DDRGK1: variants seen among roughly 807,000 people sequenced by gnomAD.
DDRGK1 encodes the protein DDRGK domain containing 1, also known as DDRGK domain-containing protein 1.
In DDRGK1, 38 loss-of-function variants were observed where a neutral mutation model predicts 45.8. The ratio of observed to expected loss-of-function variants is 0.83; its 90% CI spans 0.64 to 1.09. The LOEUF (loss-of-function observed/expected upper bound fraction) is 1.09, where lower values mean the gene tolerates loss of function less well. DDRGK1 is among the 50% of genes least tolerant of loss of function. The pLI is 0.00. For synonymous variants in DDRGK1, 171 were observed against 168.7 expected, an observed-to-expected ratio of 1.01 and a Z score of -0.11; for missense variants, 403 against 419.9, an observed-to-expected ratio of 0.96 and a Z score of 0.35.
rs534614389 is a variant in DDRGK1, at chr20:3,200,353, C to T, written c.397G>A (p.Ala133Thr). ...TCCCTCCGGCTTGCCTCACGCTGGG[C>T]CTTTCGCGCTTGTTTCTCCTCCAGC... ...RKLEEKQARK[A>T]QREAEEAERE... Residue 133 changes from alanine to threonine, a missense_variant, in exon 3 of 9, where the codon GCC becomes ACC. By Grantham distance (58) the Ala-to-Thr change is moderately conservative. Transcript: ENST00000354488. The T allele has an allele frequency of 3.8e-6, 6 of 1,566,174 alleles. No homozygotes were observed. Among genetic ancestry groups the T allele is most frequent in the Non-Finnish European group, 5.2e-6 (6 of 1,154,942 alleles).
chr20:3,196,422 A>G (rs1224841394), intron 4 of DDRGK1, among the ~76,000 whole-genome samples: 2 of 152,146 alleles, frequency 1.3e-5, no homozygotes, highest in Non-Finnish European at 2.9e-5. Context: ...TCACGCCTGT[A>G]ATCCCAGCAC....
chr20:3,196,958 C>T (rs2067013664), intron 4 of DDRGK1, among the ~76,000 whole-genome samples: 2 of 151,992 alleles, frequency 1.3e-5, no homozygotes, highest in African/African-American at 4.8e-5. Context: ...CACGGTGGCT[C>T]ACGCTGGTAA....
chr20:3,199,850 TG>T, intron 4 of DDRGK1, 150 bp downstream of exon 4: 1 of 636,448 alleles, frequency 1.6e-6, no homozygotes. Flanking sequence ...TTCTAGGCTG[TG>T]GTGGAGCCTA....
chr20:3,197,013 A>C (rs1000921581), intron 4 of DDRGK1, among the ~76,000 whole-genome samples: 3 of 152,040 alleles, frequency 2.0e-5, no homozygotes, highest in Admixed American at 6.6e-5. Context: ...ACCTGAGGTC[A>C]GGAGTTCAAG....
chr20:3,202,948 T>A (rs983916124), intron 2 of DDRGK1, among the ~76,000 whole-genome samples: 9 of 152,070 alleles, frequency 5.9e-5, no homozygotes, highest in African/African-American at 2.2e-4. Flanking sequence ...GGTGCGAGGA[T>A]AGAAGGGGTG....
intron 7 of DDRGK1, 31 bp from the exon 8 acceptor site, chr20:3,191,269 T>A (rs748073184): frequency 1.9e-6 from 3 of 1,611,852 alleles, no homozygotes; most frequent in Non-Finnish European, 2.5e-6. Context: ...AGAATAGAGA[T>A]AGGCACCAAT....
rs1350565862 is a variant in DDRGK1, at chr20:3,204,547, C to T, written c.81G>A (p.Arg27=). Residue 27 remains arginine, a synonymous_variant, in exon 1 of 9, where the codon CGG becomes CGA. Transcript: ENST00000354488. ...FILFLTRSRG[R]AASAGQEPLH... The stretch of plus-strand genomic sequence containing the variant: ...AGCGGCATCTCCTACCTGATGCCGC[C>T]CGGCCCCGGCTGCGAGTCAGGAAGA... 1.9e-6 allele frequency: 3 copies of T among 1,566,864 alleles called. No homozygotes were observed. The highest frequency in any genetic ancestry group is 3.7e-5 in the Admixed American group (2 of 53,804).
chr20:3,203,016 A>G (rs2067047078), intron 2 of DDRGK1, among the ~76,000 whole-genome samples, 197 bp downstream of exon 2: 1 of 151,926 alleles, frequency 6.6e-6, no homozygotes, highest in Non-Finnish European at 1.5e-5. Context: ...GGACACTGAG[A>G]GCCAAGATGA....
intron 5 of DDRGK1, 72 bp from the exon 6 acceptor site, chr20:3,194,940 T>G (rs998888478): frequency 5.1e-6 from 8 of 1,579,692 alleles, no homozygotes; most frequent in Non-Finnish European, 6.9e-6. Context: ...TTCACCCAAG[T>G]ACCACCTGCT....
chr20:3,194,767 G>T, intron 6 of DDRGK1, 63 bp downstream of exon 6: 1 of 1,605,220 alleles, frequency 6.2e-7, no homozygotes. Flanking sequence ...CCCGCTGGAG[G>T]CATCCAACCT....
chr20:3,197,029 C>G (rs112549258), intron 4 of DDRGK1, among the ~76,000 whole-genome samples: 1 of 151,846 alleles, frequency 6.6e-6, no homozygotes, highest in Non-Finnish European at 1.5e-5. Context: ...TCAAGACCAT[C>G]CTGGCCAACA....
chr20:3,191,694 G>C, intron 7 of DDRGK1, 71 bp downstream of exon 7: 1 of 1,504,104 alleles, frequency 6.6e-7, no homozygotes, highest in Non-Finnish European at 9.1e-7. Flanking sequence ...TCTATCTTTA[G>C]GGCAGGTCCT....
At chr20:3,196,629 C>G (rs1248221984) in intron 4 of DDRGK1, among the ~76,000 whole-genome samples, 1 of 151,926 alleles carries the variant, frequency 6.6e-6, no homozygotes, top group East Asian at 1.9e-4. Context: ...TGCAGTGAGC[C>G]GAGACTGTGC....
At chr20:3,194,971 G>A (rs2067003911) in intron 5 of DDRGK1, 103 bp from the exon 6 acceptor site, 2 of 1,493,732 alleles carry the variant, frequency 1.3e-6, no homozygotes, top group Non-Finnish European at 1.8e-6. Flanking sequence ...CCACCTGCCT[G>A]CAGCCTGCCT....
rs575057181 is a variant in DDRGK1 at position 3,199,464 on chromosome 20, C to CT, written c.510+536dup. ...AGTCAGAGGTCACAGGTCTTCCCAG[C>CT]TAGGGCAGCCCTGGCTCTAACCCTA... On this transcript the variant is annotated intron_variant, in intron 4 of 8. Coordinates refer to ENST00000354488, the MANE Select transcript of DDRGK1 (RefSeq NM_023935.3). Among the ~76,000 whole-genome samples the CT allele has an allele frequency of 3.3e-3, 498 of 152,314 alleles. 5 individuals are homozygous for CT. The highest frequency in any genetic ancestry group is 0.011 in the African/African-American group (456 of 41,564).
chr20:3,197,439 C>A (rs1600474236), intron 4 of DDRGK1, among the ~76,000 whole-genome samples: 2 of 152,020 alleles, frequency 1.3e-5, no homozygotes, highest in Non-Finnish European at 2.9e-5. Flanking sequence ...CAAACAAAAC[C>A]GCAGCCAGGC....
At chr20:3,197,327 TA>T (rs35499528) in intron 4 of DDRGK1, among the ~76,000 whole-genome samples, 1 of 151,282 alleles carries the variant, frequency 6.6e-6, no homozygotes, top group African/African-American at 2.4e-5. Flanking sequence ...GTAAGAACTC[TA>T]ACTCCCCAAC....
At position 3,200,326 on chromosome 20, in the gene DDRGK1, C is replaced by A; in HGVS notation, c.408+16G>T. ...TTTCGCACTTCCCAGAGCTGCACCCCATCCCTCCGGCTTGCCTCACGCTGG... is the reference window on the plus strand; with the variant it reads ...TTTCGCACTTCCCAGAGCTGCACCCAATCCCTCCGGCTTGCCTCACGCTGG... On this transcript the variant is annotated intron_variant, in intron 3 of 8. Coordinates refer to ENST00000354488, the MANE Select transcript of DDRGK1 (RefSeq NM_023935.3). 6.4e-7 allele frequency: 1 copy of A among 1,555,424 alleles called. No homozygotes were observed. Among genetic ancestry groups the A allele is most frequent in the South Asian group, 1.2e-5 (1 of 84,392 alleles).
chr20:3,194,831 T>G lies in DDRGK1; in HGVS notation c.671A>C (p.Lys224Thr), dbSNP rs1314415397. The change falls in exon 6 of 9, where the codon AAG (lysine) becomes ACG (threonine). Residue 224 changes from lysine (K) to threonine (T), a missense_variant and splice_region_variant. By Grantham distance (78) the Lys-to-Thr change is moderately conservative. Coordinates refer to ENST00000354488, the MANE Select transcript of DDRGK1 (RefSeq NM_023935.3). ...SFLTEFINYI[K>T]QSKVVLLEDL... ...AGGCTCTGTTCAGTGGCTTCTTACCTTGATGTAGTTGATGAACTCTGTCAG... is the reference window on the plus strand; with the variant it reads ...AGGCTCTGTTCAGTGGCTTCTTACCGTGATGTAGTTGATGAACTCTGTCAG... 6.2e-7 allele frequency: 1 copy of G among 1,614,130 alleles called. No homozygotes were observed. Among genetic ancestry groups the G allele is most frequent in the Admixed American group, 1.7e-5 (1 of 60,016 alleles).
Sources: allele counts gnomAD v4.1 joint callset (sites outside exome capture counted in the v4.1 genomes callset), GRCh38; gene constraint gnomAD v4.1.1; transcripts MANE v1.5; gene names NCBI Gene and HGNC (gene_info 2026-07-23, HGNC 2026-07-21).